Variants in IQSEC1 observed in about 807,000 individuals in gnomAD.
The protein encoded by IQSEC1 is IQ motif and SEC7 domain-containing protein 1.
IQSEC1 carries 31 observed loss-of-function variants against 91.0 expected under a neutral mutation model. The observed-to-expected ratio is 0.34, with a 90% CI of 0.26 to 0.46. IQSEC1 has a LOEUF of 0.46. Among genes scored for constraint, IQSEC1 ranks in the 20% least tolerant of loss-of-function variants. The probability of loss-of-function intolerance (pLI) is 1.00; values close to 1 mark genes in which losing one functional copy is unlikely to be tolerated. For synonymous variants in IQSEC1, 699 were observed against 662.6 expected (o/e 1.05, Z -0.84); for missense variants, 1,388 against 1,575.6 (o/e 0.88, Z 2.02).
intron 1 of IQSEC1, among the ~76,000 whole-genome samples, chr3:13,266,092 G>C (rs1695485679): frequency 1.3e-5 from 2 of 151,766 alleles, no homozygotes; most frequent in Non-Finnish European, 2.9e-5. Context: ...CACACCCCCG[G>C]CACTGGCTAG....
chr3:13,267,957 C>T (rs911883586), intron 1 of IQSEC1, among the ~76,000 whole-genome samples: 1 of 152,200 alleles, frequency 6.6e-6, no homozygotes, highest in Admixed American at 6.5e-5. Flanking sequence ...TGTGCCCCCC[C>T]TTAACCAGCT....
chr3:13,041,064 G>T (rs1215850796), intron 1 of IQSEC1, among the ~76,000 whole-genome samples: 1 of 152,150 alleles, frequency 6.6e-6, no homozygotes, highest in Non-Finnish European at 1.5e-5. Context: ...CTGCCCTCTG[G>T]TTTTATTCTG....
chr3:12,926,250 C>T (rs1458840252), intron 3 of IQSEC1, among the ~76,000 whole-genome samples: 1 of 151,322 alleles, frequency 6.6e-6, no homozygotes, highest in South Asian at 2.1e-4. Context: ...GCGCAGGTTA[C>T]GGTGAGCCGA....
intron 1 of IQSEC1, among the ~76,000 whole-genome samples, chr3:12,977,252 G>A (rs1390832876): frequency 6.6e-6 from 1 of 152,046 alleles, no homozygotes; most frequent in Admixed American, 6.6e-5. Context: ...GGAGGTTGAG[G>A]TGGGAGGATC....
intron 3 of IQSEC1, among the ~76,000 whole-genome samples, chr3:12,930,033 G>T (rs1697529478): frequency 6.6e-6 from 1 of 152,254 alleles, no homozygotes. Flanking sequence ...TGAGCTGCTG[G>T]TGGGAAGAGT....
intron 1 of IQSEC1, among the ~76,000 whole-genome samples, chr3:13,213,716 G>A (rs1210562343): frequency 2.6e-5 from 4 of 152,132 alleles, no homozygotes; most frequent in Admixed American, 1.3e-4. Flanking sequence ...CCACATGACC[G>A]GGCCAGTGTG....
chr3:12,902,717 A>G, intron 13 of IQSEC1, 56 bp downstream of exon 13: 1 of 718,610 alleles, frequency 1.4e-6, no homozygotes, highest in Non-Finnish European at 2.5e-6. Context: ...ATATGAACTG[A>G]GGACTGGGGA....
In IQSEC1 at chr3:12,983,986, T is replaced by C. The variant is rs996089483; in HGVS notation, c.24-42121A>G. 6.6e-6 allele frequency among the ~76,000 whole-genome samples: 1 copy of C among 152,070 alleles called. No homozygotes were observed. Among genetic ancestry groups the C allele is most frequent in the African/African-American group, 2.4e-5 (1 of 41,390 alleles). On this transcript the variant is annotated intron_variant, in intron 1 of 13. Transcript: ENST00000613206. The surrounding 1 kb of genome is among the most constrained non-coding windows in gnomAD (Gnocchi z 4.3). ...ACGTGGGTTCTGGGGGATAGTAACA[T>C]GGTAAACAGATGGTCTGCACAGAGC... is the stretch of plus-strand genomic sequence containing the variant.
intron 1 of IQSEC1, among the ~76,000 whole-genome samples, chr3:13,169,307 C>G (rs988187590): frequency 1.3e-5 from 2 of 152,220 alleles, no homozygotes; most frequent in Admixed American, 1.3e-4. Flanking sequence ...GTGACTTGCT[C>G]CTCCTTGCCT....
chr3:13,278,604 AG>A (rs1695735386), intron 1 of IQSEC1, among the ~76,000 whole-genome samples: 1 of 152,166 alleles, frequency 6.6e-6, no homozygotes, highest in African/African-American at 2.4e-5. Flanking sequence ...GGATCACCTG[AG>A]GTCAGGAGTT....
intron 2 of IQSEC1, among the ~76,000 whole-genome samples, chr3:13,155,018 C>T (rs964588942): frequency 3.9e-5 from 6 of 152,036 alleles, no homozygotes; most frequent in Middle Eastern, 3.4e-3. Flanking sequence ...TAGCTTGATA[C>T]GTTAAATAAA....
chr3:13,260,856 G>A (rs1695373321), intron 1 of IQSEC1, among the ~76,000 whole-genome samples: 1 of 152,212 alleles, frequency 6.6e-6, no homozygotes, highest in South Asian at 2.1e-4. Flanking sequence ...GGAGAGTGGA[G>A]GGGGTCCTCT....
intron 1 of IQSEC1, among the ~76,000 whole-genome samples, chr3:13,049,898 C>T (rs556138249): frequency 6.6e-6 from 1 of 152,302 alleles, no homozygotes; most frequent in African/African-American, 2.4e-5. Flanking sequence ...CTCTCTCCAA[C>T]CAGACAGTAC....
In IQSEC1 at chr3:12,986,930, G is replaced by A. The variant is rs189815179; in HGVS notation, c.24-45065C>T. On this transcript the variant is annotated intron_variant, in intron 1 of 13. Coordinates refer to ENST00000613206, the MANE Select transcript of IQSEC1 (RefSeq NM_001134382.3). ...GGGGACATTTTATTTTCCAGCTAGAGATACTAATAGTGGGGCTGGCCCATC... is the reference window on the plus strand; with the variant it reads ...GGGGACATTTTATTTTCCAGCTAGAAATACTAATAGTGGGGCTGGCCCATC... 1.1e-3 allele frequency: 383 copies of A among 345,830 alleles called. 3 individuals carry two copies. The highest frequency in any genetic ancestry group is 8.0e-3 in the African/African-American group (365 of 45,488). The allele number at this position is 345,830 out of a possible 1,614,324, so 21.4% of individuals were successfully genotyped here.
At chr3:13,198,638 C>T (rs193037419) in intron 1 of IQSEC1, among the ~76,000 whole-genome samples, 47 of 152,332 alleles carry the variant, frequency 3.1e-4, no homozygotes, top group Admixed American at 7.8e-4. Context: ...CCACAGCCAA[C>T]TGCCTTTGAA....
intron 1 of IQSEC1, among the ~76,000 whole-genome samples, chr3:13,255,173 G>C (rs562654199): frequency 6.6e-6 from 1 of 152,214 alleles, no homozygotes; most frequent in Non-Finnish European, 1.5e-5. Flanking sequence ...CAGAGAACAC[G>C]CATGGCTGAC....
chr3:13,100,867 G>A (rs1185875491), intron 2 of IQSEC1, among the ~76,000 whole-genome samples: 1 of 148,864 alleles, frequency 6.7e-6, no homozygotes, highest in East Asian at 1.9e-4. Context: ...TACAAAGGAT[G>A]CTTTGAAAGG....
intron 2 of IQSEC1, among the ~76,000 whole-genome samples, chr3:13,115,287 T>C (rs1706316424): frequency 6.6e-6 from 1 of 151,984 alleles, no homozygotes; most frequent in African/African-American, 2.4e-5. Flanking sequence ...AGCCAAGTCC[T>C]CTCCCCTCTC....
intron 1 of IQSEC1, among the ~76,000 whole-genome samples, chr3:13,277,428 C>T (rs763401494): frequency 2.0e-5 from 3 of 152,200 alleles, no homozygotes; most frequent in Non-Finnish European, 2.9e-5. Context: ...TTCCTCAGCT[C>T]GAGCTGGATA....
Sources: gnomAD v4.1 joint callset for allele counts (sites outside exome capture counted in the v4.1 genomes callset) on GRCh38, gnomAD v4.1.1 for gene constraint, Gnocchi (gnomAD v3.1) non-coding constraint, MANE v1.5 for transcripts, NCBI Gene and HGNC (gene_info 2026-07-23, HGNC 2026-07-21) for gene names.